Variants in CELSR1 observed in about 807,000 individuals in gnomAD.
CELSR1 encodes adhesion G protein-coupled receptor C1.
In CELSR1, 110 loss-of-function variants were observed where a neutral mutation model predicts 249.1. That is an observed-to-expected ratio of 0.44 (90% CI 0.38 to 0.52). The LOEUF (loss-of-function observed/expected upper bound fraction) is 0.52, where lower values mean the gene tolerates loss of function less well. Among genes scored for constraint, CELSR1 ranks in the 20% least tolerant of loss-of-function variants. The pLI is 0.00. For missense variants in CELSR1, 4,109 were observed against 4,296.4 expected (o/e 0.96, Z 1.22); for synonymous variants, 2,113 against 1,900.0 (o/e 1.11, Z -2.92).
At chr22:46,365,489 G>T in intron 31 of CELSR1, 97 bp downstream of exon 31, 1 of 1,543,626 alleles carries the variant, frequency 6.5e-7, no homozygotes, top group East Asian at 2.4e-5. Flanking sequence ...TGAGCATGGC[G>T]AGGCTGCTAG....
rs529565328 is a variant in CELSR1 at position 46,440,913 on chromosome 22, G to A, written c.4184-1502C>T. The stretch of plus-strand genomic sequence containing the variant: ...CACACCTATCATCCCAGCACTTTGG[G>A]AGGCTGAGGTGGGTGGATGTCTTGA... On this transcript the variant is annotated intron_variant, in intron 2 of 34. Coordinates refer to ENST00000674500, the MANE Select transcript of CELSR1 (RefSeq NM_001378328.1). The surrounding 1 kb of genome is among the most constrained non-coding windows in gnomAD (Gnocchi z 4.7). Among the ~76,000 whole-genome samples the A allele has an allele frequency of 8.5e-5, 13 of 152,268 alleles. No individual in the cohort carries two copies. The highest frequency in any genetic ancestry group is 8.5e-4 in the Admixed American group (13 of 15,288).
intron 2 of CELSR1, among the ~76,000 whole-genome samples, chr22:46,459,543 T>C (rs934898466): frequency 7.9e-5 from 12 of 152,052 alleles, no homozygotes; most frequent in South Asian, 2.1e-4. Context: ...GAAGCCAGAA[T>C]GCCTGGGTTT....
At position 46,534,659 on chromosome 22, in the gene CELSR1, C is replaced by T. The variant is rs763495379; in HGVS notation, c.2512G>A (p.Asp838Asn). ...GTGTACATGGTGCCACTGTCGGGGTCAATGCGGAACTGCGGCACGGGGTCC... is the reference window on the plus strand; with the variant it reads ...GTGTACATGGTGCCACTGTCGGGGTTAATGCGGAACTGCGGCACGGGGTCC... The part of the protein sequence containing the change: ...IQDPVPQFRI[D>N]PDSGTMYTMM... Residue 838 changes from aspartate to asparagine, a missense_variant, in exon 1 of 35, where the codon GAC becomes AAC. Physicochemically the swap from Asp to Asn is conservative, Grantham distance 23 (BLOSUM62 1). Coordinates refer to ENST00000674500, the MANE Select transcript of CELSR1 (RefSeq NM_001378328.1). This position sits in a 1 kb window ranked among gnomAD's most constrained non-coding sequence, Gnocchi z 9.7. 2 of 1,613,696 alleles carry T rather than the reference C, an allele frequency of 1.2e-6. No homozygotes were observed. The highest frequency in any genetic ancestry group is 2.7e-5 in the African/African-American group (2 of 74,908).
rs2079185956 is a variant in CELSR1, at chr22:46,399,341, C to T, written c.5412+376G>A. On this transcript the variant is annotated intron_variant, in intron 10 of 34. Coordinates refer to ENST00000674500, the MANE Select transcript of CELSR1 (RefSeq NM_001378328.1). The surrounding 1 kb of genome is among the most constrained non-coding windows in gnomAD (Gnocchi z 5.0). ...TGCTCTCCCAGTTTTGCTCCCCATC[C>T]ATGCTCTGAGGGCACGGGCCCCAGC... is the stretch of plus-strand genomic sequence containing the variant. Among the ~76,000 whole-genome samples the T allele has an allele frequency of 6.6e-6, 1 of 152,220 alleles. No individual in the cohort carries two copies. Among genetic ancestry groups the T allele is most frequent in the Non-Finnish European group, 1.5e-5 (1 of 68,040 alleles).
intron 1 of CELSR1, among the ~76,000 whole-genome samples, chr22:46,474,785 C>CTGCTTTTTTTT (rs1555925990): frequency 6.6e-5 from 3 of 45,190 alleles, no homozygotes; most frequent in Admixed American, 2.4e-4. Context: ...CTACTCTCTA[C>CTGCTTTTTTTT]TTCTTTTTTT....
intron 1 of CELSR1, 97 bp downstream of exon 1, chr22:46,533,530 T>G (rs369459664): frequency 4.1e-6 from 6 of 1,475,770 alleles, no homozygotes; most frequent in South Asian, 1.4e-5. Flanking sequence ...CCCGGCCCAA[T>G]TGCGCCCCGG....
In CELSR1 at chr22:46,377,063, G is replaced by A. The variant is rs1013338855; in HGVS notation, c.7582C>T (p.Pro2528Ser). The A allele has an allele frequency of 1.9e-6, 3 of 1,612,932 alleles. No individual in the cohort carries two copies. Among genetic ancestry groups the A allele is most frequent in the Non-Finnish European group, 2.5e-6 (3 of 1,179,838 alleles). ...GGAGGGGAGCAGAGTGGCCATACCG[G>A]GTTTTCCGTCTGGTTGATCCCAATC... ...FVIGINQTEN[P>S]FLCTVVAILL... Residue 2528 changes from proline (P) to serine (S), a missense_variant and splice_region_variant, in exon 24 of 35, where the codon CCG (proline) becomes TCG (serine). Transcript: ENST00000674500.
At chr22:46,515,724 G>T (rs2080620067) in intron 1 of CELSR1, among the ~76,000 whole-genome samples, 1 of 152,188 alleles carries the variant, frequency 6.6e-6, no homozygotes, top group Non-Finnish European at 1.5e-5. Flanking sequence ...AGCCTGGCAG[G>T]CTCCTATCTG....
At chr22:46,424,215 T>G (rs1401636185) in intron 5 of CELSR1, among the ~76,000 whole-genome samples, 2 of 147,146 alleles carry the variant, frequency 1.4e-5, no homozygotes, top group African/African-American at 5.0e-5. Flanking sequence ...CATAGGCACA[T>G]GCACCACACA....
rs945229726 is a variant in CELSR1, at chr22:46,446,420, A to T, written c.4184-7009T>A. 5.3e-5 allele frequency among the ~76,000 whole-genome samples: 8 copies of T among 151,924 alleles called. No homozygotes were observed. The East Asian group carries it at 1.5e-3, about 29-fold the overall frequency. ...ATCTCCCCTCTCCAGCAATCGCCCC[A>T]CCAGCTCCACATCCAGCCCTGCTTG... On this transcript the variant is annotated intron_variant, in intron 2 of 34. Transcript: ENST00000674500. This position sits in a 1 kb window ranked among gnomAD's most constrained non-coding sequence, Gnocchi z 5.5.
At chr22:46,453,435 A>G (rs769059734) in intron 2 of CELSR1, among the ~76,000 whole-genome samples, 3 of 152,162 alleles carry the variant, frequency 2.0e-5, no homozygotes, top group Non-Finnish European at 2.9e-5. Flanking sequence ...ACGAATTCTT[A>G]ATTCATCACT....
intron 25 of CELSR1, 40 bp downstream of exon 25, chr22:46,372,843 A>T (rs1485225962): frequency 6.4e-7 from 1 of 1,562,676 alleles, no homozygotes; most frequent in Non-Finnish European, 8.7e-7. Context: ...GTCTGTTGGA[A>T]ATCTGTGGTT....
At chr22:46,477,469 G>A (rs2080220949) in intron 1 of CELSR1, among the ~76,000 whole-genome samples, 1 of 151,934 alleles carries the variant, frequency 6.6e-6, no homozygotes, top group Non-Finnish European at 1.5e-5. Flanking sequence ...GGGAGACGCT[G>A]AGTGGCCAAC....
In CELSR1 at chr22:46,464,425, T is replaced by G; in HGVS notation, c.3545-80A>C. The G allele has an allele frequency of 6.8e-7, 1 of 1,463,960 alleles. No individual in the cohort carries two copies. The highest frequency in any genetic ancestry group is 9.2e-7 in the Non-Finnish European group (1 of 1,084,044). The allele number at this position is 1,463,960 out of a possible 1,614,324, so 90.7% of individuals were successfully genotyped here. A position where few individuals can be genotyped will look rare whatever the true frequency, so the allele number is the denominator to read the frequency against. On this transcript the variant is annotated intron_variant, in intron 1 of 34. Coordinates refer to ENST00000674500, the MANE Select transcript of CELSR1 (RefSeq NM_001378328.1). The surrounding 1 kb of genome is among the most constrained non-coding windows in gnomAD (Gnocchi z 8.5). Reference sequence around the variant, plus strand: ...TATAGGCCCCATCCCAGGAGCAGCCTCAGGCATGCTTGGCAAAGGAGAAGA... The same window carrying G: ...TATAGGCCCCATCCCAGGAGCAGCCGCAGGCATGCTTGGCAAAGGAGAAGA...
At chr22:46,369,063 C>T (rs941190147) in intron 27 of CELSR1, 116 bp downstream of exon 27, 3 of 920,278 alleles carry the variant, frequency 3.3e-6, no homozygotes, top group African/African-American at 3.3e-5. Context: ...AGGCTGCCCC[C>T]AGCCCTCCTC....
chr22:46,418,594 C>CTCCGCTGAA (rs1405230212), intron 5 of CELSR1, among the ~76,000 whole-genome samples: 2 of 152,252 alleles, frequency 1.3e-5, no homozygotes, highest in Non-Finnish European at 2.9e-5. Flanking sequence ...CAATTAGCCT[C>CTCCGCTGAA]TCCGCTGAAC....
chr22:46,521,591 C>A (rs572497358), intron 1 of CELSR1, among the ~76,000 whole-genome samples: 1 of 151,036 alleles, frequency 6.6e-6, no homozygotes, highest in East Asian at 2.0e-4. Context: ...TTGAGGCAGG[C>A]GGATCATCTG....
chr22:46,463,771 G>T lies in CELSR1; in HGVS notation c.4119C>A (p.Gly1373=). The change falls in exon 2 of 35, where the codon GGC becomes GGA. Residue 1373 remains glycine (G), a synonymous_variant. Coordinates refer to ENST00000674500, the MANE Select transcript of CELSR1 (RefSeq NM_001378328.1). ...EIDLCYSDPC[G]ANGRCRSREG... The stretch of plus-strand genomic sequence containing the variant: ...CGCGGCTGCGGCAGCGGCCGTTGGC[G>T]CCGCACGGGTCGGAGTAGCAGAGGT... The T allele has an allele frequency of 6.4e-7, 1 of 1,574,378 alleles. No homozygotes were observed.
chr22:46,498,955 G>A (rs1310588205), intron 1 of CELSR1, among the ~76,000 whole-genome samples: 1 of 152,022 alleles, frequency 6.6e-6, no homozygotes, highest in Non-Finnish European at 1.5e-5. Context: ...CGAGGCAGGT[G>A]GACTACCTGA....
Sources: gnomAD v4.1 joint callset for allele counts (sites outside exome capture counted in the v4.1 genomes callset) on GRCh38, gnomAD v4.1.1 for gene constraint, Gnocchi (gnomAD v3.1) non-coding constraint, MANE v1.5 for transcripts, NCBI Gene and HGNC (gene_info 2026-07-23, HGNC 2026-07-21) for gene names.